PDE1A: variants seen among roughly 807,000 people sequenced by gnomAD.
The protein encoded by PDE1A is phosphodiesterase 1A, also known as dual specificity calcium/calmodulin-dependent 3',5'-cyclic nucleotide phosphodiesterase 1A.
A neutral mutation model predicts 61.7 loss-of-function variants in PDE1A; 35 were observed. That is an observed-to-expected ratio of 0.57 (90% CI 0.43 to 0.75). PDE1A has a LOEUF of 0.75. PDE1A is among the 30% of genes least tolerant of loss of function. The pLI is 0.00. For synonymous variants in PDE1A, 232 were observed against 213.2 expected (o/e 1.09, Z -0.77); for missense variants, 597 against 630.6 (o/e 0.95, Z 0.57).
At chr2:182,338,443 T>C (rs1026006080) in intron 1 of PDE1A, among the ~76,000 whole-genome samples, 1 of 152,218 alleles carries the variant, frequency 6.6e-6, no homozygotes, top group East Asian at 1.9e-4. Flanking sequence ...TAAGTACCTA[T>C]GTAATCAAAA....
chr2:182,341,779 T>A (rs772632709), intron 1 of PDE1A, among the ~76,000 whole-genome samples: 1 of 152,180 alleles, frequency 6.6e-6, no homozygotes, highest in Non-Finnish European at 1.5e-5. Context: ...TTTTTTGAGA[T>A]AGGGTCTTTC....
At chr2:182,576,082 T>A in the PDE1A span, among the ~76,000 whole-genome samples, 1 of 151,778 alleles carries the variant, frequency 6.6e-6, no homozygotes, top group African/African-American at 2.4e-5. Flanking sequence ...AACTTTTTTA[T>A]CTTAACTACT....
chr2:182,550,160 C>A, the PDE1A span, among the ~76,000 whole-genome samples: 133 of 152,286 alleles, frequency 8.7e-4, no homozygotes, highest in African/African-American at 3.1e-3. Context: ...CTAGAGAATT[C>A]TTCCTATAAA....
Position 182,218,946 on chromosome 2 carries a change from C to T in PDE1A, c.776+4918G>A, listed in dbSNP as rs146570338. 4.1e-3 allele frequency among the ~76,000 whole-genome samples: 630 copies of T among 152,124 alleles called. 12 individuals carry two copies. In the East Asian group the frequency reaches 0.065, roughly 16 times the overall value. On this transcript the variant is annotated intron_variant, in intron 7 of 13. Transcript: ENST00000351439. ...GATATATCAAAGTGAATAAAATTAC[C>T]TAACGTCTTATTCAGTCAGTGAATG...
chr2:182,308,018 G>A (rs1021846620), intron 1 of PDE1A, among the ~76,000 whole-genome samples: 12 of 152,068 alleles, frequency 7.9e-5, no homozygotes, highest in African/African-American at 2.9e-4. Context: ...AAATATAATC[G>A]TTTTTTAACA....
intron 2 of PDE1A, among the ~76,000 whole-genome samples, chr2:182,501,624 C>A (rs1393234670): frequency 6.6e-6 from 1 of 152,160 alleles, no homozygotes; most frequent in Non-Finnish European, 1.5e-5. Flanking sequence ...TTGTCTAATT[C>A]AATATGTGTT....
chr2:182,533,857 T>C, the PDE1A span, among the ~76,000 whole-genome samples: 106 of 152,214 alleles, frequency 7.0e-4, 2 homozygotes, highest in South Asian at 0.016. Flanking sequence ...ATGAAAATAA[T>C]TGAAGAGGTA....
chr2:182,300,959 T>C (rs111745200), intron 1 of PDE1A, among the ~76,000 whole-genome samples: 11 of 152,324 alleles, frequency 7.2e-5, no homozygotes, highest in African/African-American at 2.6e-4. Flanking sequence ...TGGTTGCAAG[T>C]TGATAATATC....
the PDE1A span, among the ~76,000 whole-genome samples, chr2:182,573,170 T>G: frequency 6.6e-6 from 1 of 152,176 alleles, no homozygotes; most frequent in Non-Finnish European, 1.5e-5. Flanking sequence ...ATGTAGTTTA[T>G]GACTACATTG....
chr2:182,573,632 G>A, the PDE1A span, among the ~76,000 whole-genome samples: 1 of 151,732 alleles, frequency 6.6e-6, no homozygotes, highest in East Asian at 1.9e-4. Context: ...AGGAATATAC[G>A]ACATTAGCAA....
At chr2:182,559,578 C>A in the PDE1A span, among the ~76,000 whole-genome samples, 1 of 152,104 alleles carries the variant, frequency 6.6e-6, no homozygotes, top group Admixed American at 6.5e-5. Context: ...ACGGTACCTA[C>A]TAAAGCTGAA....
At chr2:182,240,623 G>A (rs1690426265) in intron 2 of PDE1A, among the ~76,000 whole-genome samples, 1 of 152,116 alleles carries the variant, frequency 6.6e-6, no homozygotes, top group South Asian at 2.1e-4. Context: ...GAAAGATAGG[G>A]AAGTGAATTC....
At chr2:182,271,153 TAA>T (rs1355312181) in intron 1 of PDE1A, among the ~76,000 whole-genome samples, 1 of 141,754 alleles carries the variant, frequency 7.1e-6, no homozygotes, top group Non-Finnish European at 1.5e-5. Context: ...GGAAATTTGC[TAA>T]GAGAGTAGAC....
intron 2 of PDE1A, among the ~76,000 whole-genome samples, chr2:182,435,981 A>C (rs1287039514): frequency 2.0e-5 from 3 of 152,126 alleles, no homozygotes; most frequent in Non-Finnish European, 4.4e-5. Context: ...ATTAGACAGC[A>C]ATAGAGATAA....
At chr2:182,156,210 GA>G (rs1420230921) in intron 13 of PDE1A, among the ~76,000 whole-genome samples, 1 of 151,800 alleles carries the variant, frequency 6.6e-6, no homozygotes, top group African/African-American at 2.4e-5. Context: ...ACTTAGTAAG[GA>G]GGAATAACTT....
chr2:182,700,700 C>T, the PDE1A span, among the ~76,000 whole-genome samples: 2,469 of 96,880 alleles, frequency 0.025, 52 homozygotes, highest in East Asian at 0.11. Flanking sequence ...CCAGCCTGGG[C>T]GACAGAGCAA....
the PDE1A span, among the ~76,000 whole-genome samples, chr2:182,630,875 T>G: frequency 6.6e-6 from 1 of 152,122 alleles, no homozygotes; most frequent in Admixed American, 6.5e-5. Context: ...TTTCCTTCTT[T>G]CCCTTCCATT....
rs181056026 is a variant in PDE1A, at chr2:182,181,330, C to A, written c.1516+4562G>T. ...TGTTGCTTTCTGTTTGTTACTTTTT[C>A]TTCTAACAGTTAGACCCATCTTCTG... On this transcript the variant is annotated intron_variant, in intron 13 of 13. Coordinates refer to ENST00000351439, the Ensembl canonical transcript of PDE1A. Among the ~76,000 whole-genome samples, 46 of 152,252 alleles carry A rather than the reference C, an allele frequency of 3.0e-4. No individual in the cohort carries two copies. In the East Asian group the frequency reaches 7.7e-3, roughly 26 times the overall value.
At chr2:182,464,475 T>C (rs969797281) in intron 2 of PDE1A, among the ~76,000 whole-genome samples, 3 of 152,140 alleles carry the variant, frequency 2.0e-5, no homozygotes, top group African/African-American at 7.2e-5. Flanking sequence ...TACCTCTCAG[T>C]AGGAGTTTTG....
Sources: allele counts gnomAD v4.1 joint callset (sites outside exome capture counted in the v4.1 genomes callset), GRCh38; gene constraint gnomAD v4.1.1; transcripts MANE v1.5; gene names NCBI Gene and HGNC (gene_info 2026-07-23, HGNC 2026-07-21).